The following PLCE1 variants were observed in gnomAD, a reference collection of about 807,000 sequenced individuals.
The protein encoded by PLCE1 is phospholipase C epsilon 1, also known as 1-phosphatidylinositol 4,5-bisphosphate phosphodiesterase epsilon-1.
PLCE1 carries 119 observed loss-of-function variants against 242.8 expected under a neutral mutation model. The ratio of observed to expected loss-of-function variants is 0.49; its 90% CI spans 0.42 to 0.57. The LOEUF is 0.57. Among genes scored for constraint, PLCE1 ranks in the 20% least tolerant of loss-of-function variants. The probability of loss-of-function intolerance (pLI) is 0.00; values close to 1 mark genes in which losing one functional copy is unlikely to be tolerated. For missense variants in PLCE1, 2,441 were observed against 2,788.8 expected, an observed-to-expected ratio of 0.88 and a Z score of 2.81; for synonymous variants, 945 against 1,017.4, an observed-to-expected ratio of 0.93 and a Z score of 1.35.
intron 3 of PLCE1, among the ~76,000 whole-genome samples, chr10:94,154,675 G>A (rs1169103784): frequency 1.3e-5 from 2 of 151,928 alleles, no homozygotes; most frequent in African/African-American, 4.8e-5. Flanking sequence ...TAAAGAAAAT[G>A]TGCAAATGGC....
At chr10:94,028,520 A>G (rs895420493) in intron 1 of PLCE1, among the ~76,000 whole-genome samples, 2 of 152,166 alleles carry the variant, frequency 1.3e-5, no homozygotes, top group Admixed American at 6.5e-5. Context: ...GAGGGAAGCC[A>G]CTAAGTATAA....
chr10:94,171,905 C>G (rs181458932), intron 4 of PLCE1, among the ~76,000 whole-genome samples: 7 of 152,254 alleles, frequency 4.6e-5, no homozygotes, highest in Non-Finnish European at 1.0e-4. Flanking sequence ...CCCCTGACCC[C>G]CTTCCATTAT....
At chr10:94,047,426 A>T (rs777419254) in intron 2 of PLCE1, among the ~76,000 whole-genome samples, 79 of 152,180 alleles carry the variant, frequency 5.2e-4, no homozygotes, top group Non-Finnish European at 1.1e-3. Context: ...TATTCCAAAA[A>T]TAATATTGAT....
In PLCE1 at chr10:94,268,951, G is replaced by A; in HGVS notation, c.4304G>A (p.Ser1435Asn). 6.2e-7 allele frequency: 1 copy of A among 1,612,172 alleles called. No homozygotes were observed. Among genetic ancestry groups the A allele is most frequent in the South Asian group, 1.1e-5 (1 of 91,034 alleles). Residue 1435 changes from serine to asparagine, a missense_variant, in exon 17 of 33, where the codon AGT (serine) becomes AAT (asparagine). Coordinates refer to ENST00000371380, the MANE Select transcript of PLCE1 (RefSeq NM_016341.4). ...CAGGTCCTTTTGCAAGGCTGTCGAA[G>A]TGTAGAATTGGACTGCTGGGACGGA... ...YSQVLLQGCR[S>N]VELDCWDGDD...
chr10:94,063,036 G>A (rs565451778), intron 2 of PLCE1, among the ~76,000 whole-genome samples: 17 of 152,032 alleles, frequency 1.1e-4, no homozygotes, highest in Non-Finnish European at 1.9e-4. Flanking sequence ...CTCCCTTCCT[G>A]TTGTCTTTGA....
At chr10:94,184,428 G>A (rs2048405918) in intron 4 of PLCE1, among the ~76,000 whole-genome samples, 1 of 152,194 alleles carries the variant, frequency 6.6e-6, no homozygotes, top group Non-Finnish European at 1.5e-5. Flanking sequence ...CTCCTGGGTT[G>A]AAGTGATTGT....
intron 1 of PLCE1, among the ~76,000 whole-genome samples, chr10:94,016,750 A>T (rs1284639960): frequency 6.6e-6 from 1 of 152,204 alleles, no homozygotes; most frequent in Non-Finnish European, 1.5e-5. Flanking sequence ...CCCCTTTCTC[A>T]AATTTTCCAC....
rs144211543 is a variant in PLCE1, at chr10:94,224,778, C to T, written c.1810-2528C>T. ...TCTCTGTTAGCAAAATAATTTCTTGCTCTAGTGAGCCAGGGTTTCACAAAG... is the reference window on the plus strand; with the variant it reads ...TCTCTGTTAGCAAAATAATTTCTTGTTCTAGTGAGCCAGGGTTTCACAAAG... On this transcript the variant is annotated intron_variant, in intron 4 of 32. Transcript: ENST00000371380. Among the ~76,000 whole-genome samples the T allele has an allele frequency of 2.9e-4, 44 of 152,320 alleles. 1 individual carries two copies. The highest frequency in any genetic ancestry group is 5.3e-4 in the Non-Finnish European group (36 of 68,018).
intron 4 of PLCE1, among the ~76,000 whole-genome samples, chr10:94,181,562 C>T (rs1590196811): frequency 6.6e-6 from 1 of 151,646 alleles, no homozygotes. Context: ...GGTGACAGAG[C>T]AAGACTCTGT....
chr10:94,111,184 A>T (rs2045944120), intron 2 of PLCE1, among the ~76,000 whole-genome samples: 1 of 152,208 alleles, frequency 6.6e-6, no homozygotes, highest in Non-Finnish European at 1.5e-5. Flanking sequence ...CTCATGAGAC[A>T]TTTATTTTCC....
At chr10:94,293,799 T>C (rs755982823) in intron 23 of PLCE1, among the ~76,000 whole-genome samples, 160 bp downstream of exon 23, 4 of 152,160 alleles carry the variant, frequency 2.6e-5, no homozygotes, top group Non-Finnish European at 5.9e-5. Flanking sequence ...AACTTACACT[T>C]TTAACGTACT....
chr10:94,090,710 G>T (rs2045032823), intron 2 of PLCE1, among the ~76,000 whole-genome samples: 1 of 152,192 alleles, frequency 6.6e-6, no homozygotes, highest in Non-Finnish European at 1.5e-5. Context: ...GCACTCAGTG[G>T]TTCTTCTTGT....
chr10:94,049,239 C>G (rs1180279609), intron 2 of PLCE1, among the ~76,000 whole-genome samples: 2 of 152,140 alleles, frequency 1.3e-5, no homozygotes, highest in Non-Finnish European at 1.5e-5. Context: ...TGTTTTCTCT[C>G]TACCTAAAGT....
At chr10:94,044,155 T>C (rs1448798648) in intron 2 of PLCE1, among the ~76,000 whole-genome samples, 1 of 152,196 alleles carries the variant, frequency 6.6e-6, no homozygotes, top group Non-Finnish European at 1.5e-5. Flanking sequence ...GAGTTTTTAT[T>C]TTTCTGTATT....
intron 3 of PLCE1, among the ~76,000 whole-genome samples, chr10:94,152,960 G>A (rs1010167261): frequency 3.2e-4 from 49 of 152,106 alleles, no homozygotes; most frequent in Non-Finnish European, 3.5e-4. Flanking sequence ...ATCATCAAAG[G>A]TTGAAAATGT....
At chr10:94,286,126 T>A (rs2133356508) in intron 22 of PLCE1, among the ~76,000 whole-genome samples, 1 of 152,282 alleles carries the variant, frequency 6.6e-6, no homozygotes, top group East Asian at 1.9e-4. Context: ...AGGATTCTCT[T>A]GAATATAATT....
chr10:94,283,659 CATACT>C, intron 20 of PLCE1, 126 bp from the exon 21 acceptor site: 1 of 956,424 alleles, frequency 1.0e-6, no homozygotes, highest in East Asian at 2.6e-5. Flanking sequence ...ATTTTGTTAA[CATACT>C]ATATAGTTAG....
At chr10:94,080,522 G>A (rs2044625773) in intron 2 of PLCE1, among the ~76,000 whole-genome samples, 1 of 152,208 alleles carries the variant, frequency 6.6e-6, no homozygotes, top group African/African-American at 2.4e-5. Context: ...TGCAGTGAAT[G>A]AACAAATGAG....
At chr10:94,297,622 A>AAG (rs2052884029) in intron 23 of PLCE1, among the ~76,000 whole-genome samples, 1 of 110,206 alleles carries the variant, frequency 9.1e-6, no homozygotes, top group African/African-American at 3.5e-5. Context: ...AAAAAAAAAA[A>AAG]AAAAAGTGCA....
Sources: allele counts gnomAD v4.1 joint callset (sites outside exome capture counted in the v4.1 genomes callset), GRCh38; gene constraint gnomAD v4.1.1; transcripts MANE v1.5; gene names NCBI Gene and HGNC (gene_info 2026-07-23, HGNC 2026-07-21).